The following ZNF429 variants were observed in gnomAD, a reference collection of about 807,000 sequenced individuals.
The protein encoded by ZNF429 is zinc finger protein 429.
ZNF429 carries 53 observed loss-of-function variants against 56.8 expected under a neutral mutation model. The observed-to-expected ratio is 0.93, with a 90% CI of 0.75 to 1.17. The LOEUF is 1.17. Among genes scored for constraint, ZNF429 ranks in the 50% most tolerant of loss-of-function variants. The pLI, the probability that ZNF429 is intolerant of heterozygous loss-of-function variation, is 0.00. For synonymous variants in ZNF429, 278 were observed against 264.7 expected (o/e 1.05, Z -0.49); for missense variants, 849 against 788.4 (o/e 1.08, Z -0.92).
chr19:21,517,621 C>T (rs546748308), intron 1 of ZNF429, among the ~76,000 whole-genome samples: 10 of 151,996 alleles, frequency 6.6e-5, no homozygotes, highest in African/African-American at 2.4e-4. Flanking sequence ...TGTTATTGTT[C>T]TGTTCTGGGC....
chr19:21,516,842 A>AGT (rs2032764844), intron 1 of ZNF429, among the ~76,000 whole-genome samples: 1 of 152,192 alleles, frequency 6.6e-6, no homozygotes, highest in Non-Finnish European at 1.5e-5. Flanking sequence ...GAGCTTTTGC[A>AGT]CCAAGACTAT....
chr19:21,538,140 G>A lies in ZNF429; in HGVS notation c.*62G>A, dbSNP rs144238909. The A allele has an allele frequency of 0.16, 115,890 of 708,296 alleles. 10,675 individuals carry two copies. Among genetic ancestry groups the A allele is most frequent in the Middle Eastern group, 0.2 (469 of 2,322 alleles). The allele number at this position is 708,296 out of a possible 1,614,324, so 43.9% of individuals were successfully genotyped here. On this transcript the variant is annotated 3_prime_UTR_variant, in exon 4 of 4. Coordinates refer to ENST00000358491, the MANE Select transcript of ZNF429 (RefSeq NM_001001415.4). ...AAAAAAAAAAAAAAATTAGCCAGGC[G>A]TGGTGGTGGGCACTTGTAGTCCCAC...
chr19:21,534,300 A>ACTAT, intron 3 of ZNF429, among the ~76,000 whole-genome samples: 1 of 111,058 alleles, frequency 9.0e-6, no homozygotes, highest in African/African-American at 3.3e-5. Context: ...TGGATTTTCC[A>ACTAT]GTTTTACTTT....
rs913267187 is a variant in ZNF429, at chr19:21,539,787, A to G, written c.*1709A>G. ...TAAAATTTTTGAAAAGCAAATTATG[A>G]TATAATTCAAGTATCAAATTACTTC... On this transcript the variant is annotated 3_prime_UTR_variant, in exon 4 of 4. Transcript: ENST00000358491. Among the ~76,000 whole-genome samples, 1 of 152,160 alleles carries G rather than the reference A, an allele frequency of 6.6e-6. No homozygotes were observed. The highest frequency in any genetic ancestry group is 2.4e-5 in the African/African-American group (1 of 41,442).
chr19:21,523,226 A>T (rs1599461957), intron 1 of ZNF429, among the ~76,000 whole-genome samples: 1 of 152,210 alleles, frequency 6.6e-6, no homozygotes, highest in East Asian at 1.9e-4. Flanking sequence ...CCACCTATTC[A>T]GGACCTAAAT....
chr19:21,516,078 T>A (rs2032726295), intron 1 of ZNF429, among the ~76,000 whole-genome samples: 1 of 152,022 alleles, frequency 6.6e-6, no homozygotes, highest in Non-Finnish European at 1.5e-5. Flanking sequence ...TTATTTTTTT[T>A]ATTTTATTGA....
In ZNF429 at chr19:21,536,783, C is replaced by T. The variant is rs190803666; in HGVS notation, c.730C>T (p.Leu244Phe). The T allele has an allele frequency of 6.2e-7, 1 of 1,613,350 alleles. No individual in the cohort carries two copies. Among genetic ancestry groups the T allele is most frequent in the African/African-American group, 1.3e-5 (1 of 74,768 alleles). Residue 244 changes from leucine (L) to phenylalanine (F), a missense_variant, in exon 4 of 4, where the codon CTT becomes TTT. Transcript: ENST00000358491. ...CGKAFNHYST[L>F]TNHKRIHTGE... ...CAAAGCATTTAACCACTACTCAACC[C>T]TTACTAACCATAAGAGAATTCATAC...
chr19:21,531,531 C>T, intron 3 of ZNF429, among the ~76,000 whole-genome samples: 25 of 152,166 alleles, frequency 1.6e-4, no homozygotes, highest in Non-Finnish European at 2.2e-4. Context: ...AGGCTGAGCA[C>T]GGTGGCTCAT....
chr19:21,508,946 G>A (rs1323971910), intron 1 of ZNF429, among the ~76,000 whole-genome samples: 1 of 151,890 alleles, frequency 6.6e-6, no homozygotes, highest in Non-Finnish European at 1.5e-5. Flanking sequence ...TTATTTCAGA[G>A]TTTAATGCTG....
At chr19:21,527,371 A>C (rs957199480) in intron 1 of ZNF429, among the ~76,000 whole-genome samples, 5 of 152,238 alleles carry the variant, frequency 3.3e-5, no homozygotes, top group African/African-American at 1.2e-4. Context: ...AAATCTCTTT[A>C]CTTGTGCCCT....
intron 1 of ZNF429, among the ~76,000 whole-genome samples, chr19:21,510,586 T>G (rs2032405010): frequency 6.6e-6 from 1 of 151,184 alleles, no homozygotes; most frequent in Non-Finnish European, 1.5e-5. Context: ...TTTTTAATTT[T>G]TTAATTTTTT....
chr19:21,535,391 T>TTTCC lies in ZNF429; in HGVS notation c.227-888_227-887insTCCT. On this transcript the variant is annotated intron_variant, in intron 3 of 3. Transcript: ENST00000358491. ...TTTCTTTCTTTCTTTTTTACTTTCT[T>TTTCC]TCTTTCTTTCTTTCTTTTTCTTTTC... Among the ~76,000 whole-genome samples, 29 of 47,600 alleles carry TTTCC rather than the reference T, an allele frequency of 6.1e-4. 1 individual carries two copies. Among genetic ancestry groups the TTTCC allele is most frequent in the African/African-American group, 2.3e-3 (13 of 5,718 alleles). The allele number at this position is 47,600 out of a possible 152,430, so 31.2% of individuals were successfully genotyped here. A position where few individuals can be genotyped will look rare whatever the true frequency, so the allele number is the denominator to read the frequency against.
intron 1 of ZNF429, among the ~76,000 whole-genome samples, chr19:21,513,712 A>G (rs2650830): frequency 0.19 from 28,505 of 152,156 alleles, 2,713 homozygotes; most frequent in Middle Eastern, 0.22. Flanking sequence ...GCTCTCCTGT[A>G]CACAGGCTTT....
chr19:21,524,256 G>A (rs73548618), intron 1 of ZNF429, among the ~76,000 whole-genome samples: 5,427 of 152,290 alleles, frequency 0.036, 315 homozygotes, highest in African/African-American at 0.12. Flanking sequence ...TGGGCCAGGC[G>A]TGGTGGCTCA....
intron 1 of ZNF429, among the ~76,000 whole-genome samples, chr19:21,512,616 A>T (rs898305840): frequency 6.8e-5 from 10 of 146,774 alleles, no homozygotes; most frequent in African/African-American, 2.3e-4. Context: ...GTGACCCGAG[A>T]TCACGCCACT....
intron 3 of ZNF429, among the ~76,000 whole-genome samples, chr19:21,531,104 C>A: frequency 3.9e-5 from 1 of 25,480 alleles, no homozygotes; most frequent in Non-Finnish European, 6.8e-5. Context: ...GAAACTCCAT[C>A]TCAAAAAAAA....
Position 21,535,430 on chromosome 19 carries a change from T to TTTCC in ZNF429, c.227-849_227-848insTCCT. Among the ~76,000 whole-genome samples the TTTCC allele has an allele frequency of 1.6e-3, 33 of 20,036 alleles. 4 individuals carry two copies. The highest frequency in any genetic ancestry group is 6.8e-3 in the South Asian group (4 of 588). 13.1% of individuals were successfully genotyped at this position (20,036 alleles called of 152,430 possible). On this transcript the variant is annotated intron_variant, in intron 3 of 3. Coordinates refer to ENST00000358491, the MANE Select transcript of ZNF429 (RefSeq NM_001001415.4). Reference sequence around the variant, plus strand: ...CTTTTTCTTTTCTTTCTTTCTTTCTTTCTTTCTTTCTTTCTTTCTTTCTTT... The same window carrying TTTCC: ...CTTTTTCTTTTCTTTCTTTCTTTCTTTTCCTCTTTCTTTCTTTCTTTCTTTCTTT...
Position 21,538,030 on chromosome 19 carries a change from C to T in ZNF429, c.1977C>T (p.Gly659=), listed in dbSNP as rs1329060482. 1.3e-6 allele frequency: 2 copies of T among 1,590,902 alleles called. No homozygotes were observed. The highest frequency in any genetic ancestry group is 1.7e-6 in the Non-Finnish European group (2 of 1,162,374). Residue 659 remains glycine (G), a synonymous_variant, in exon 4 of 4, where the codon GGC becomes GGT. Transcript: ENST00000358491. ...CCTGTAATCCCAGCACTTTGGGAGG[C>T]AGAGGTGGGCGGATCACGAGGTCAG... is the stretch of plus-strand genomic sequence containing the variant. The part of the protein sequence containing the change: ...AHACNPSTLG[G]RGGRITRSGD...
intron 1 of ZNF429, among the ~76,000 whole-genome samples, chr19:21,527,324 C>T (rs954103434): frequency 1.5e-4 from 23 of 152,250 alleles, no homozygotes; most frequent in African/African-American, 4.1e-4. Flanking sequence ...GGTTATCAGC[C>T]GGGGTTTCTA....
Sources: gnomAD v4.1 joint callset for allele counts (sites outside exome capture counted in the v4.1 genomes callset) on GRCh38, gnomAD v4.1.1 for gene constraint, MANE v1.5 for transcripts, NCBI Gene and HGNC (gene_info 2026-07-23, HGNC 2026-07-21) for gene names.